The following ZNF565 variants were observed in gnomAD, a reference collection of about 807,000 sequenced individuals.
ZNF565 encodes zinc finger protein 565.
In ZNF565, 27 loss-of-function variants were observed where a neutral mutation model predicts 39.4. That is an observed-to-expected ratio of 0.69 (90% CI 0.51 to 0.95). The LOEUF (loss-of-function observed/expected upper bound fraction) is 0.95. ZNF565 is among the 40% of genes least tolerant of loss of function. The pLI, the probability that ZNF565 is intolerant of heterozygous loss-of-function variation, is 0.00. For missense variants in ZNF565, 524 were observed against 621.1 expected, an observed-to-expected ratio of 0.84 and a Z score of 1.66; for synonymous variants, 185 against 216.6, an observed-to-expected ratio of 0.85 and a Z score of 1.28.
chr19:36,199,949 T>C (rs1975896134), intron 2 of ZNF565, among the ~76,000 whole-genome samples: 1 of 151,474 alleles, frequency 6.6e-6, no homozygotes, highest in Non-Finnish European at 1.5e-5. Flanking sequence ...GGTGAGCCAC[T>C]GGGCCTGGCC....
chr19:36,238,445 T>TTTTTATATAAAA (rs1568439204), intron 1 of ZNF565: 1 of 167,076 alleles, frequency 6.0e-6, no homozygotes, highest in Non-Finnish European at 1.5e-5. Flanking sequence ...GGACTTCAGC[T>TTTTTATATAAAA]TTTTATATAA....
At chr19:36,187,221 AATC>A (rs1975334384) in intron 4 of ZNF565, among the ~76,000 whole-genome samples, 1 of 152,120 alleles carries the variant, frequency 6.6e-6, no homozygotes, top group African/African-American at 2.4e-5. Context: ...TAAAAACAGA[AATC>A]ATCATTTTGG....
At chr19:36,216,007 C>T (rs1385726825), upstream of ZNF565, among the ~76,000 whole-genome samples, 2 of 152,140 alleles carry the variant, frequency 1.3e-5, no homozygotes, top group Admixed American at 6.6e-5. Flanking sequence ...ATGCTACTGA[C>T]GTCTCCAAAG....
At chr19:36,194,835 C>A in intron 3 of ZNF565, 195 bp downstream of exon 3, 1 of 773,494 alleles carries the variant, frequency 1.3e-6, no homozygotes, top group Non-Finnish European at 2.2e-6. Context: ...CTCCTCTCTC[C>A]CTCCTTTGAC....
intron 1 of ZNF565, among the ~76,000 whole-genome samples, chr19:36,210,238 T>C (rs1248136578): frequency 1.3e-5 from 2 of 151,696 alleles, no homozygotes; most frequent in East Asian, 3.9e-4. Context: ...CTGACTATCA[T>C]GACGAAAACC....
rs374133932 is a variant in ZNF565 at position 36,183,753 on chromosome 19, T to C, written c.233-20A>G. ...CCAAGTCTGAAAAATAAGAAAAAGA[T>C]AAATACAAGCTGTGATCCTTCTCTA... On this transcript the variant is annotated intron_variant, in intron 4 of 4. Transcript: ENST00000304116. 5.3e-5 allele frequency: 85 copies of C among 1,589,138 alleles called. No homozygotes were observed. In the African/African-American group the frequency reaches 1.0e-3, roughly 20 times the overall value.
chr19:36,183,345 G>A lies in ZNF565; in HGVS notation c.621C>T (p.Ala207=), dbSNP rs776898536. ...CKECGKAFSR[A]SHLVQHQRIH... is the part of the protein sequence containing the mutation. ...TTCTCTGATGCTGAACAAGGTGTGA[G>A]GCACGGCTGAAGGCCTTCCCACATT... Residue 207 remains alanine (A), a synonymous_variant, in exon 5 of 5, where the codon GCC becomes GCT. Coordinates refer to ENST00000304116, the MANE Select transcript of ZNF565 (RefSeq NM_152477.5). The A allele has an allele frequency of 6.2e-7, 1 of 1,613,964 alleles. No homozygotes were observed. Among genetic ancestry groups the A allele is most frequent in the Non-Finnish European group, 8.5e-7 (1 of 1,179,972 alleles).
chr19:36,214,775 G>GT, upstream of ZNF565: 1 of 152,818 alleles, frequency 6.5e-6, no homozygotes, highest in South Asian at 2.1e-4. Context: ...TTATCTCTGA[G>GT]TCGGGGCCTG....
chr19:36,203,159 A>G (rs1400111192), intron 1 of ZNF565, among the ~76,000 whole-genome samples: 1 of 151,572 alleles, frequency 6.6e-6, no homozygotes, highest in Non-Finnish European at 1.5e-5. Flanking sequence ...ACATGGAGAA[A>G]CCCCGTCTCA....
rs989738837 is a variant in ZNF565 at position 36,187,649 on chromosome 19, C to A, written c.233-3916G>T. ...GGGATTACAGGCATGAGCCATGGTG[C>A]CCGGCCGAGACAGAGTCTTGCTCTG... is the stretch of plus-strand genomic sequence containing the variant. On this transcript the variant is annotated intron_variant, in intron 4 of 4. Coordinates refer to ENST00000304116, the MANE Select transcript of ZNF565 (RefSeq NM_152477.5). 8.5e-5 allele frequency among the ~76,000 whole-genome samples: 12 copies of A among 140,478 alleles called. No homozygotes were observed. The Admixed American group carries it at 8.8e-4, about 10-fold the overall frequency. 92.2% of individuals were successfully genotyped at this position (140,478 alleles called of 152,430 possible).
intron 1 of ZNF565, among the ~76,000 whole-genome samples, chr19:36,212,548 C>T (rs369792422): frequency 6.0e-5 from 9 of 151,204 alleles, no homozygotes; most frequent in South Asian, 2.1e-4. Flanking sequence ...CTTGAGCCTG[C>T]GAGGTGGAGG....
chr19:36,197,776 T>A (rs1975818766), intron 2 of ZNF565, among the ~76,000 whole-genome samples: 1 of 152,120 alleles, frequency 6.6e-6, no homozygotes, highest in South Asian at 2.1e-4. Context: ...CAGAACAACT[T>A]GGAGGTTCCT....
chr19:36,194,204 T>C, intron 4 of ZNF565, 29 bp downstream of exon 4: 1 of 1,582,292 alleles, frequency 6.3e-7, no homozygotes, highest in Non-Finnish European at 8.6e-7. Context: ...TCCAGGGACC[T>C]TCCCCTGTCG....
chr19:36,190,633 G>A (rs1048617833), intron 4 of ZNF565, among the ~76,000 whole-genome samples: 5 of 151,404 alleles, frequency 3.3e-5, no homozygotes, highest in Non-Finnish European at 7.4e-5. Flanking sequence ...ACAAGATGGC[G>A]AGATTATCCC....
At chr19:36,209,499 CAAAAACAAAAACAAAAAACA>C (rs1976276095) in intron 1 of ZNF565, among the ~76,000 whole-genome samples, 1 of 150,446 alleles carries the variant, frequency 6.6e-6, no homozygotes, top group African/African-American at 2.5e-5. Context: ...CGTCTCAAAA[CAAAAACAAAAACAAAAAACA>C]AAAAACAAAC....
At chr19:36,236,323 A>C (rs1977642299) in intron 1 of ZNF565, 1 of 1,239,104 alleles carries the variant, frequency 8.1e-7, no homozygotes, top group Non-Finnish European at 1.1e-6. Flanking sequence ...GATCATACAC[A>C]GAGAAGCCTT....
chr19:36,186,060 G>C lies in ZNF565; in HGVS notation c.233-2327C>G, dbSNP rs547572039. On this transcript the variant is annotated intron_variant, in intron 4 of 4. Coordinates refer to ENST00000304116, the MANE Select transcript of ZNF565 (RefSeq NM_152477.5). Reference sequence around the variant, plus strand: ...CTCCCAGGCTGGAGTACAGTGGTGCGATCTCAGCTCACCACAACCTCTGCC... The same window carrying C: ...CTCCCAGGCTGGAGTACAGTGGTGCCATCTCAGCTCACCACAACCTCTGCC... Among the ~76,000 whole-genome samples the C allele has an allele frequency of 1.4e-5, 2 of 146,490 alleles. 1 individual carries two copies.
At chr19:36,185,401 G>A (rs762836272) in intron 4 of ZNF565, among the ~76,000 whole-genome samples, 2 of 140,458 alleles carry the variant, frequency 1.4e-5, no homozygotes, top group African/African-American at 2.7e-5. Context: ...GTGACAGAGC[G>A]AAACTCTGTC....
chr19:36,212,206 A>C (rs1976385320), intron 1 of ZNF565, among the ~76,000 whole-genome samples: 1 of 152,198 alleles, frequency 6.6e-6, no homozygotes, highest in Admixed American at 6.6e-5. Context: ...GACAATTCCA[A>C]AGAGAGGAAC....
Sources: allele counts gnomAD v4.1 joint callset (sites outside exome capture counted in the v4.1 genomes callset), GRCh38; gene constraint gnomAD v4.1.1; transcripts MANE v1.5; gene names NCBI Gene and HGNC (gene_info 2026-07-23, HGNC 2026-07-21).